Variants in TPCN1 observed in about 807,000 individuals in gnomAD.
The protein encoded by TPCN1 is two pore channel protein 1.
TPCN1 carries 52 observed loss-of-function variants against 108.8 expected under a neutral mutation model. The ratio of observed to expected loss-of-function variants is 0.48; its 90% CI spans 0.38 to 0.60. The LOEUF is 0.60. Among genes scored for constraint, TPCN1 ranks in the 20% least tolerant of loss-of-function variants. The pLI, the probability that TPCN1 is intolerant of heterozygous loss-of-function variation, is 0.00. For missense variants in TPCN1, 806 were observed against 1,072.8 expected (o/e 0.75, Z 3.47); for synonymous variants, 446 against 433.7 (o/e 1.03, Z -0.35).
intron 13 of TPCN1, 145 bp downstream of exon 13, chr12:113,278,382 C>G (rs1955745813): frequency 1.4e-6 from 1 of 715,892 alleles, no homozygotes; most frequent in Admixed American, 2.4e-5. Flanking sequence ...TCAGGGATCA[C>G]AGGTGGCCCC....
At chr12:113,290,295 C>T in intron 22 of TPCN1, 52 bp downstream of exon 22, 4 of 1,253,626 alleles carry the variant, frequency 3.2e-6, no homozygotes, top group Non-Finnish European at 3.4e-6. Flanking sequence ...CCACCCTTGT[C>T]ACCCTTGTCA....
At chr12:113,276,374 T>G (rs1341481724) in intron 10 of TPCN1, among the ~76,000 whole-genome samples, 2 of 152,222 alleles carry the variant, frequency 1.3e-5, no homozygotes, top group African/African-American at 2.4e-5. Context: ...TCTAGAACGT[T>G]ATTTCCTTGC....
chr12:113,293,602 C>T (rs903622005), intron 27 of TPCN1, among the ~76,000 whole-genome samples: 12 of 152,228 alleles, frequency 7.9e-5, no homozygotes, highest in African/African-American at 2.9e-4. Context: ...ATGAATTCTC[C>T]AGAACCTCCT....
chr12:113,229,982 A>G lies in TPCN1; in HGVS notation c.112+3018A>G, dbSNP rs1050795069. Among the ~76,000 whole-genome samples the G allele has an allele frequency of 3.3e-5, 5 of 152,186 alleles. No homozygotes were observed. The East Asian group carries it at 9.6e-4, about 29-fold the overall frequency. On this transcript the variant is annotated intron_variant, in intron 2 of 27. Transcript: ENST00000335509. ...GCCTCAGTCCACAGCATCATACTGC[A>G]TTTAGTTCGGTGAATCCCCTGTGCA...
At chr12:113,290,610 C>G (rs1266226613) in intron 22 of TPCN1, among the ~76,000 whole-genome samples, 1 of 152,234 alleles carries the variant, frequency 6.6e-6, no homozygotes, top group South Asian at 2.1e-4. Context: ...AGCCCTCTGC[C>G]CACTCCCATG....
At chr12:113,264,171 C>T (rs1955155296) in intron 3 of TPCN1, among the ~76,000 whole-genome samples, 1 of 152,154 alleles carries the variant, frequency 6.6e-6, no homozygotes, top group South Asian at 2.1e-4. Flanking sequence ...AAAACCACAG[C>T]CCTGCACAGA....
intron 2 of TPCN1, among the ~76,000 whole-genome samples, chr12:113,236,500 C>T (rs1282348526): frequency 6.6e-6 from 1 of 151,776 alleles, no homozygotes; most frequent in Non-Finnish European, 1.5e-5. Flanking sequence ...GGGAGAGGGA[C>T]CGAACATCCC....
Position 113,231,103 on chromosome 12 carries a change from G to A in TPCN1, c.112+4139G>A, listed in dbSNP as rs150494752. ...GCATGGGCTACTGGGAACGAAGCAA[G>A]CTTTCTAAGGCTGAGTCACCATCAA... is the stretch of plus-strand genomic sequence containing the variant. On this transcript the variant is annotated intron_variant, in intron 2 of 27. Coordinates refer to ENST00000335509, the MANE Select transcript of TPCN1 (RefSeq NM_017901.6). This position sits in a 1 kb window ranked among gnomAD's most constrained non-coding sequence, Gnocchi z 4.3. Among the ~76,000 whole-genome samples the A allele has an allele frequency of 1.9e-3, 283 of 152,356 alleles. 1 individual carries two copies. The highest frequency in any genetic ancestry group is 8.7e-3 in the East Asian group (45 of 5,184).
chr12:113,223,753 A>G (rs538736476), intron 1 of TPCN1, among the ~76,000 whole-genome samples: 7 of 152,278 alleles, frequency 4.6e-5, no homozygotes, highest in Admixed American at 4.6e-4. Context: ...CATGTTGGCC[A>G]GGCTGGTCTC....
rs143294370 is a variant in TPCN1, at chr12:113,260,717, C to T, written c.237+225C>T. On this transcript the variant is annotated intron_variant, in intron 3 of 27. Transcript: ENST00000335509. ...AGACCCCTGTTTAGGGCTGTGCCAA[C>T]CCCCACAATTTCCGGAGTCTGGCCA... 5.3e-3 allele frequency among the ~76,000 whole-genome samples: 802 copies of T among 152,284 alleles called. 8 individuals are homozygous for T. The highest frequency in any genetic ancestry group is 0.018 in the African/African-American group (757 of 41,552).
Position 113,272,599 on chromosome 12 carries a change from A to G in TPCN1, c.749-59A>G. 6.6e-7 allele frequency: 1 copy of G among 1,509,888 alleles called. No individual in the cohort carries two copies. The highest frequency in any genetic ancestry group is 1.1e-5 in the South Asian group (1 of 88,932). The allele number at this position is 1,509,888 out of a possible 1,614,324, so 93.5% of individuals were successfully genotyped here. A position where few individuals can be genotyped will look rare whatever the true frequency, so the allele number is the denominator to read the frequency against. On this transcript the variant is annotated intron_variant, in intron 7 of 27. Coordinates refer to ENST00000335509, the MANE Select transcript of TPCN1 (RefSeq NM_017901.6). This position sits in a 1 kb window ranked among gnomAD's most constrained non-coding sequence, Gnocchi z 4.1. ...CATGTATTTGTCCAGTCCTTTTGAC[A>G]CCAGGTTTTGGGACCTCTGCTCTAA...
At position 113,296,956 on chromosome 12, in the gene TPCN1, A is replaced by C. The variant is rs1375387316; in HGVS notation, c.*880A>C. The C allele has an allele frequency of 6.6e-6, 1 of 152,246 alleles. No homozygotes were observed. Among genetic ancestry groups the C allele is most frequent in the Non-Finnish European group, 1.5e-5 (1 of 68,050 alleles). 9.4% of individuals were successfully genotyped at this position (152,246 alleles called of 1,614,324 possible). On this transcript the variant is annotated 3_prime_UTR_variant, in exon 28 of 28. Transcript: ENST00000335509. The stretch of plus-strand genomic sequence containing the variant: ...GTTTTGGTTAACTAAGGATTGTGCT[A>C]AAGCCGATACCAGGTCCTTCACACG...
rs1406649503 is a variant in TPCN1, at chr12:113,232,035, C to G, written c.112+5071C>G. Among the ~76,000 whole-genome samples the G allele has an allele frequency of 6.6e-6, 1 of 152,216 alleles. No homozygotes were observed. The highest frequency in any genetic ancestry group is 2.4e-5 in the African/African-American group (1 of 41,452). On this transcript the variant is annotated intron_variant, in intron 2 of 27. Transcript: ENST00000335509. This position sits in a 1 kb window ranked among gnomAD's most constrained non-coding sequence, Gnocchi z 5.6. Reference sequence around the variant, plus strand: ...TCTGCCTTCTCCCTGCCTTTAAAGCCAGCTGCTGCCTAAGATGGGCTGGAC... The same window carrying G: ...TCTGCCTTCTCCCTGCCTTTAAAGCGAGCTGCTGCCTAAGATGGGCTGGAC...
At chr12:113,237,729 T>C (rs1953951942) in intron 2 of TPCN1, among the ~76,000 whole-genome samples, 1 of 152,162 alleles carries the variant, frequency 6.6e-6, no homozygotes, top group Non-Finnish European at 1.5e-5. Flanking sequence ...TTTCATAGGC[T>C]CACCTGGCCT....
Position 113,256,159 on chromosome 12 carries a change from G to A in TPCN1, c.113-4209G>A, listed in dbSNP as rs182159648. Among the ~76,000 whole-genome samples the A allele has an allele frequency of 1.1e-4, 16 of 152,136 alleles. 1 individual carries two copies. The highest frequency in any genetic ancestry group is 3.9e-4 in the African/African-American group (16 of 41,518). ...TTAAAAAAAATTTTTTTTTTGTAGA[G>A]ATAGGGTCTCACTATATTCCCCAGG... On this transcript the variant is annotated intron_variant, in intron 2 of 27. Transcript: ENST00000335509.
At chr12:113,287,987 G>GA (rs1334472475) in intron 19 of TPCN1, among the ~76,000 whole-genome samples, 176 bp from the exon 20 acceptor site, 6 of 152,202 alleles carry the variant, frequency 3.9e-5, no homozygotes, top group Non-Finnish European at 7.4e-5. Flanking sequence ...CCTCATGCAT[G>GA]AATCACCTGA....
chr12:113,276,119 T>A (rs987496265), intron 10 of TPCN1, among the ~76,000 whole-genome samples: 3 of 152,194 alleles, frequency 2.0e-5, no homozygotes, highest in Admixed American at 2.0e-4. Flanking sequence ...CACAGGTTAG[T>A]AGTCGCAGCA....
intron 2 of TPCN1, among the ~76,000 whole-genome samples, chr12:113,246,956 C>T (rs907573444): frequency 2.6e-5 from 4 of 152,172 alleles, no homozygotes; most frequent in African/African-American, 9.7e-5. Flanking sequence ...GCCTGGTACT[C>T]CAAAGATGCG....
At chr12:113,229,136 A>G (rs1953581819) in intron 2 of TPCN1, among the ~76,000 whole-genome samples, 1 of 152,250 alleles carries the variant, frequency 6.6e-6, no homozygotes, top group Non-Finnish European at 1.5e-5. Flanking sequence ...GGCCACTAGC[A>G]AGGCTGCTTT....
Sources: gnomAD v4.1 joint callset for allele counts (sites outside exome capture counted in the v4.1 genomes callset) on GRCh38, gnomAD v4.1.1 for gene constraint, Gnocchi (gnomAD v3.1) non-coding constraint, MANE v1.5 for transcripts, NCBI Gene and HGNC (gene_info 2026-07-23, HGNC 2026-07-21) for gene names.